Variants in RIMS1 observed in about 807,000 individuals in gnomAD.
RIMS1 encodes regulating synaptic membrane exocytosis 1.
Under a neutral mutation model 214.1 loss-of-function variants are expected in RIMS1, and 83 were observed. The ratio of observed to expected loss-of-function variants is 0.39; its 90% CI spans 0.32 to 0.47. RIMS1 has a LOEUF of 0.47. RIMS1 is among the 20% of genes least tolerant of loss of function. The pLI is 0.99. For synonymous variants in RIMS1, 793 were observed against 786.8 expected, an observed-to-expected ratio of 1.01 and a Z score of -0.13; for missense variants, 2,050 against 2,161.8, an observed-to-expected ratio of 0.95 and a Z score of 1.03.
chr6:72,344,032 T>C (rs1009169901), intron 29 of RIMS1, among the ~76,000 whole-genome samples: 6 of 151,856 alleles, frequency 4.0e-5, no homozygotes, highest in Non-Finnish European at 5.9e-5. Context: ...CAAGGTATTA[T>C]TTTAAAATTC....
At chr6:72,197,883 T>C (rs373382939) in intron 6 of RIMS1, among the ~76,000 whole-genome samples, 1 of 151,884 alleles carries the variant, frequency 6.6e-6, no homozygotes, top group African/African-American at 2.4e-5. Context: ...TCCAACACCA[T>C]TAAAGATGCC....
At chr6:72,131,287 G>A (rs1260043901) in intron 4 of RIMS1, among the ~76,000 whole-genome samples, 3 of 152,224 alleles carry the variant, frequency 2.0e-5, no homozygotes, top group African/African-American at 7.2e-5. Context: ...GACTAAATTA[G>A]CATTATTGAC....
intron 29 of RIMS1, among the ~76,000 whole-genome samples, chr6:72,354,671 T>C (rs1335933392): frequency 6.6e-6 from 1 of 152,206 alleles, no homozygotes; most frequent in Non-Finnish European, 1.5e-5. Flanking sequence ...CCTAGTACTG[T>C]TTTGCTATGT....
At chr6:72,368,900 A>T (rs138658964) in intron 29 of RIMS1, among the ~76,000 whole-genome samples, 16 of 152,110 alleles carry the variant, frequency 1.1e-4, no homozygotes, top group African/African-American at 3.9e-4. Flanking sequence ...AGGCAATCTT[A>T]AAGGATTGGT....
intron 29 of RIMS1, chr6:72,366,877 G>A (rs1225510525): frequency 1.0e-6 from 1 of 979,366 alleles, no homozygotes; most frequent in African/African-American, 1.8e-5. Flanking sequence ...GTAAGTCTAT[G>A]TTCCTTATAT....
At chr6:72,139,076 G>A (rs762139484) in intron 4 of RIMS1, among the ~76,000 whole-genome samples, 5 of 152,058 alleles carry the variant, frequency 3.3e-5, no homozygotes, top group South Asian at 2.1e-4. Flanking sequence ...ATACACACAC[G>A]TAGGTATACA....
At chr6:71,937,934 C>T (rs1784949255) in intron 1 of RIMS1, among the ~76,000 whole-genome samples, 1 of 152,100 alleles carries the variant, frequency 6.6e-6, no homozygotes, top group Non-Finnish European at 1.5e-5. Context: ...GTCCAAAATC[C>T]GGAGTCTCAT....
chr6:72,274,351 G>C lies in RIMS1; in HGVS notation c.3401G>C (p.Gly1134Ala), dbSNP rs766454945. Residue 1134 changes from glycine to alanine, a missense_variant and splice_region_variant, in exon 23 of 34, where the codon GGT becomes GCT. Physicochemically the swap from Gly to Ala is moderately conservative, Grantham distance 60. Transcript: ENST00000521978. Reference protein sequence around the residue: ...TSLHSPERERGRWSPSLDRRR... With the variant: ...TSLHSPERERARWSPSLDRRR... ...TGTCTTGTTCACTGGGCAAACAGGGGTAGATGGTCCCCCTCCCTAGATAGG... is the reference window on the plus strand; with the variant it reads ...TGTCTTGTTCACTGGGCAAACAGGGCTAGATGGTCCCCCTCCCTAGATAGG... The C allele has an allele frequency of 3.7e-6, 6 of 1,609,426 alleles. No homozygotes were observed. Among genetic ancestry groups the C allele is most frequent in the Admixed American group, 3.3e-5 (2 of 59,916 alleles).
chr6:71,968,884 T>C, intron 1 of RIMS1, 99 bp from the exon 2 acceptor site: 2 of 1,229,926 alleles, frequency 1.6e-6, no homozygotes, highest in Non-Finnish European at 2.4e-6. Flanking sequence ...TTTCAAAGAC[T>C]TTCCCTTAGA....
chr6:71,974,765 G>A (rs1796744374), intron 2 of RIMS1, among the ~76,000 whole-genome samples: 1 of 152,188 alleles, frequency 6.6e-6, no homozygotes, highest in Admixed American at 6.5e-5. Context: ...CACAGCATTA[G>A]ATTCGAGTAT....
intron 29 of RIMS1, among the ~76,000 whole-genome samples, chr6:72,337,673 T>G (rs942107342): frequency 6.6e-6 from 1 of 151,066 alleles, no homozygotes; most frequent in African/African-American, 2.4e-5. Context: ...ATGTGCCATG[T>G]TGGTGTGCTG....
chr6:72,050,112 C>T (rs1824209344), intron 2 of RIMS1, among the ~76,000 whole-genome samples: 1 of 152,114 alleles, frequency 6.6e-6, no homozygotes, highest in Non-Finnish European at 1.5e-5. Context: ...ACACACACCC[C>T]ACCACCATCG....
chr6:72,099,873 T>A, intron 3 of RIMS1, 102 bp from the exon 4 acceptor site: 1 of 857,954 alleles, frequency 1.2e-6, no homozygotes, highest in Non-Finnish European at 1.9e-6. Context: ...AAGAAACACA[T>A]AATTGTTTTC....
At chr6:72,207,959 T>C (rs2053206935) in intron 6 of RIMS1, among the ~76,000 whole-genome samples, 1 of 152,184 alleles carries the variant, frequency 6.6e-6, no homozygotes, top group African/African-American at 2.4e-5. Context: ...GCAATATGCC[T>C]GGATAAATCA....
intron 4 of RIMS1, among the ~76,000 whole-genome samples, chr6:72,112,797 A>T (rs924451422): frequency 6.6e-6 from 1 of 152,190 alleles, no homozygotes. Flanking sequence ...CACCCTGTGA[A>T]ATATATATCT....
At chr6:72,153,562 T>G (rs1275761516) in intron 4 of RIMS1, among the ~76,000 whole-genome samples, 1 of 151,814 alleles carries the variant, frequency 6.6e-6, no homozygotes, top group Admixed American at 6.6e-5. Context: ...AATCTATAGA[T>G]TTTTTACAAT....
rs1371441250 is a variant in RIMS1 at position 72,247,995 on chromosome 6, A to C, written c.2129-20A>C. On this transcript the variant is annotated intron_variant, in intron 11 of 33. Transcript: ENST00000521978. ...TTTCCTACACTTACAAATATTACTTACTTTTTTTTCTCATTTTAGGTTCAA... is the reference window on the plus strand; with the variant it reads ...TTTCCTACACTTACAAATATTACTTCCTTTTTTTTCTCATTTTAGGTTCAA... 5 of 1,459,192 alleles carry C rather than the reference A, an allele frequency of 3.4e-6. No individual in the cohort carries two copies. In the African/African-American group the frequency reaches 7.0e-5, roughly 20 times the overall value. The allele number at this position is 1,459,192 out of a possible 1,614,324, so 90.4% of individuals were successfully genotyped here.
intron 2 of RIMS1, among the ~76,000 whole-genome samples, chr6:71,998,666 G>A (rs758078547): frequency 3.9e-5 from 6 of 152,248 alleles, no homozygotes; most frequent in South Asian, 2.1e-4. Flanking sequence ...TCTGCATGCC[G>A]ATAGTTTTTA....
At chr6:72,129,802 A>C (rs56270449) in intron 4 of RIMS1, among the ~76,000 whole-genome samples, 2 of 151,902 alleles carry the variant, frequency 1.3e-5, no homozygotes, top group Non-Finnish European at 2.9e-5. Flanking sequence ...GCATTCAACC[A>C]TTACTTTAGG....
Sources: allele counts gnomAD v4.1 joint callset (sites outside exome capture counted in the v4.1 genomes callset), GRCh38; gene constraint gnomAD v4.1.1; transcripts MANE v1.5; gene names NCBI Gene and HGNC (gene_info 2026-07-23, HGNC 2026-07-21).